The following TEP1 variants were observed in gnomAD, a reference collection of about 807,000 sequenced individuals.
The protein encoded by TEP1 is telomerase protein component 1.
TEP1 carries 241 observed loss-of-function variants against 306.3 expected under a neutral mutation model. That is an observed-to-expected ratio of 0.79 (90% CI 0.71 to 0.88). The LOEUF (loss-of-function observed/expected upper bound fraction) is 0.88. Ranked by LOEUF, TEP1 falls within the 40% of genes least tolerant of loss-of-function variation. TEP1 has a pLI of 0.00. For synonymous variants in TEP1, 1,289 were observed against 1,305.5 expected (o/e 0.99, Z 0.27); for missense variants, 3,051 against 3,276.1 (o/e 0.93, Z 1.68).
rs777877711 is a variant in TEP1 at position 20,387,918 on chromosome 14, C to G, written c.2671G>C (p.Val891Leu). Residue 891 changes from valine (V) to leucine (L), a missense_variant, in exon 18 of 55, where the codon GTT (valine) becomes CTT (leucine). This residue lies in a region of TEP1 where 1,507 missense variants were observed against 1,550.5 expected (regional missense o/e 0.97). Coordinates refer to ENST00000262715, the MANE Select transcript of TEP1 (RefSeq NM_007110.5). Reference protein sequence around the residue: ...EEDTPSPLAPVSQQGWRSIRL... With the variant: ...EEDTPSPLAPLSQQGWRSIRL... Reference sequence around the variant, plus strand: ...ACACAGACTGACCCTTGCTGGGAAACAGGAGCCAAGGGGCTTGGAGTGTCC... The same window carrying G: ...ACACAGACTGACCCTTGCTGGGAAAGAGGAGCCAAGGGGCTTGGAGTGTCC... 86 of 1,604,952 alleles carry G rather than the reference C, an allele frequency of 5.4e-5. No individual in the cohort carries two copies. Among genetic ancestry groups the G allele is most frequent in the Non-Finnish European group, 6.8e-5 (80 of 1,177,256 alleles).
At chr14:20,389,023 C>T (rs1877465190) in intron 17 of TEP1, among the ~76,000 whole-genome samples, 1 of 152,060 alleles carries the variant, frequency 6.6e-6, no homozygotes, top group Non-Finnish European at 1.5e-5. Context: ...TGGTGCATGT[C>T]TGTAGTCCCA....
In TEP1 at chr14:20,380,296, A is replaced by C; in HGVS notation, c.4942T>G (p.Trp1648Gly). ...CHQASLLSRR[W>G]HLQHTLRWLN... ...CATCGTAGTGTGTGTTGGAGGTGCCATCTCCGGGAGAGCAGCGAGGCTTGG... is the reference window on the plus strand; with the variant it reads ...CATCGTAGTGTGTGTTGGAGGTGCCCTCTCCGGGAGAGCAGCGAGGCTTGG... Residue 1648 changes from tryptophan (W) to glycine (G), a missense_variant, in exon 34 of 55, where the codon TGG (tryptophan) becomes GGG (glycine). Around this residue, in one of 3 missense-constraint regions of TEP1, gnomAD observed 1,540 missense variants for 1,705.9 expected, o/e 0.90. Transcript: ENST00000262715. The C allele has an allele frequency of 1.2e-6, 2 of 1,614,148 alleles. No homozygotes were observed. The highest frequency in any genetic ancestry group is 1.7e-6 in the Non-Finnish European group (2 of 1,180,026).
intron 7 of TEP1, 143 bp downstream of exon 7, chr14:20,403,234 A>T: frequency 1.1e-6 from 1 of 909,962 alleles, no homozygotes; most frequent in South Asian, 1.8e-5. Context: ...TGCCTTTCCC[A>T]GTGCTCTCAG....
At position 20,376,158 on chromosome 14, in the gene TEP1, G is replaced by A. The variant is rs1324147419; in HGVS notation, c.6195C>T (p.Ser2065=). The A allele has an allele frequency of 6.2e-7, 1 of 1,614,200 alleles. No homozygotes were observed. Among genetic ancestry groups the A allele is most frequent in the Admixed American group, 1.7e-5 (1 of 60,026 alleles). The part of the protein sequence containing the change: ...TELRGHEGPV[S]CCSFSTDGGS... ...CTCCATCAGTGCTGAAACTACAGCA[G>A]CTCACAGGGCCCTCATGTCCCCGCA... Residue 2065 remains serine, a synonymous_variant, in exon 42 of 55, where the codon AGC becomes AGT. Coordinates refer to ENST00000262715, the MANE Select transcript of TEP1 (RefSeq NM_007110.5).
Position 20,373,548 on chromosome 14 carries a change from C to T in TEP1, c.6640G>A (p.Val2214Ile), listed in dbSNP as rs1713449. The T allele has an allele frequency of 0.23, 367,274 of 1,613,844 alleles. 44,660 individuals carry two copies. Among genetic ancestry groups the T allele is most frequent in the African/African-American group, 0.42 (31,347 of 74,932 alleles). ...AACCGTGTGGCCCCATCTAGCCCGACGGTTACCACCAGAAGCTCTGACCCA... is the reference window on the plus strand; with the variant it reads ...AACCGTGTGGCCCCATCTAGCCCGATGGTTACCACCAGAAGCTCTGACCCA... ...QPGSELLVVT[V>I]GLDGATRLWH... The change falls in exon 46 of 55, where the codon GTC becomes ATC. Residue 2214 changes from valine to isoleucine, a missense_variant. Physicochemically the swap from Val to Ile is conservative, Grantham distance 29. Around this residue, in one of 3 missense-constraint regions of TEP1, gnomAD observed 1,540 missense variants for 1,705.9 expected, o/e 0.90. Transcript: ENST00000262715.
chr14:20,386,526 G>C lies in TEP1; in HGVS notation c.2782C>G (p.Arg928Gly). 6.2e-7 allele frequency: 1 copy of C among 1,612,996 alleles called. No individual in the cohort carries two copies. The highest frequency in any genetic ancestry group is 8.5e-7 in the Non-Finnish European group (1 of 1,179,456). The change falls in exon 19 of 55, where the codon CGA (arginine) becomes GGA (glycine). Residue 928 changes from arginine to glycine, a missense_variant. Coordinates refer to ENST00000262715, the MANE Select transcript of TEP1 (RefSeq NM_007110.5). ...AGGCTGATACGGTGAGGGGCCGCTC[G>C]GGCCTGCAGTGCTGGCAGCACAGAC... is the stretch of plus-strand genomic sequence containing the variant. ...LRSVLPALQA[R>G]AAPHRISLHG...
Position 20,383,795 on chromosome 14 carries a change from T to C in TEP1, c.3658A>G (p.Thr1220Ala), listed in dbSNP as rs906731800. 1 of 1,610,604 alleles carries C rather than the reference T, an allele frequency of 6.2e-7. No individual in the cohort carries two copies. The highest frequency in any genetic ancestry group is 1.7e-5 in the Admixed American group (1 of 59,522). Residue 1220 changes from threonine to alanine, a missense_variant, in exon 25 of 55, where the codon ACC (threonine) becomes GCC (alanine). This residue lies in a region of TEP1 where 1,507 missense variants were observed against 1,550.5 expected (regional missense o/e 0.97). Transcript: ENST00000262715. ...LALTLLRRLC[T>A]YLRGQLKEPG... ...TCTTTTAGTTGGCCACGCAGATAGG[T>C]ACAGAGGCGTCTGAGCAGAGTGAGG...
chr14:20,371,350 T>G (rs1884827411), intron 50 of TEP1, 36 bp from the exon 51 acceptor site: 1 of 1,606,320 alleles, frequency 6.2e-7, no homozygotes, highest in South Asian at 1.1e-5. Flanking sequence ...GAGCTCAGGA[T>G]TTAAAGAGAG....
rs1297472031 is a variant in TEP1 at position 20,374,460 on chromosome 14, T to C, written c.6440A>G (p.His2147Arg). ...SGQRLGQFLGHQSAVSAVAAV... is the reference protein window; with the variant it reads ...SGQRLGQFLGRQSAVSAVAAV... ...TGCCACAGCGCTCACAGCACTCTGATGACCCAGGAACTGACCAAGCCGCTG... is the reference window on the plus strand; with the variant it reads ...TGCCACAGCGCTCACAGCACTCTGACGACCCAGGAACTGACCAAGCCGCTG... The change falls in exon 44 of 55, where the codon CAT (histidine) becomes CGT (arginine). Residue 2147 changes from histidine to arginine, a missense_variant. His to Arg is a conservative substitution (Grantham distance 29). This residue lies in a region of TEP1 where 1,540 missense variants were observed against 1,705.9 expected (regional missense o/e 0.90). Transcript: ENST00000262715. 6 of 1,613,316 alleles carry C rather than the reference T, an allele frequency of 3.7e-6. No homozygotes were observed. The highest frequency in any genetic ancestry group is 1.3e-5 in the African/African-American group (1 of 74,898).
rs374792666 is a variant in TEP1 at position 20,401,103 on chromosome 14, A to G, written c.1430T>C (p.Leu477Pro). The change falls in exon 9 of 55, where the codon CTT (leucine) becomes CCT (proline). Residue 477 changes from leucine to proline, a missense_variant. Leu to Pro is a moderately conservative substitution (Grantham distance 98). Transcript: ENST00000262715. ...TCTGCTAGAATCCCAAGGCCCAGGA[A>G]GGCGACTTCGAGAAAAGAGCTGTAG... ...SNLQLFSRSR[L>P]PGPWDSSRAG... The G allele has an allele frequency of 3.8e-5, 61 of 1,614,120 alleles. No individual in the cohort carries two copies. The highest frequency in any genetic ancestry group is 5.1e-5 in the Non-Finnish European group (60 of 1,180,056).
intron 51 of TEP1, 57 bp downstream of exon 51, chr14:20,371,161 T>C (rs1351200745): frequency 6.6e-7 from 1 of 1,514,172 alleles, no homozygotes; most frequent in Non-Finnish European, 9.2e-7. Flanking sequence ...CCCCAAGGTG[T>C]AAAAACACTG....
intron 9 of TEP1, 27 bp downstream of exon 9, chr14:20,400,957 G>A (rs767361602): frequency 4.4e-6 from 7 of 1,608,622 alleles, no homozygotes; most frequent in Non-Finnish European, 5.9e-6. Flanking sequence ...AGAGAAGGAG[G>A]GAATGTGATG....
In TEP1 at chr14:20,377,327, G is replaced by A; in HGVS notation, c.6041C>T (p.Pro2014Leu). The change falls in exon 41 of 55, where the codon CCT becomes CTT. Residue 2014 changes from proline to leucine, a missense_variant. Physicochemically the swap from Pro to Leu is moderately conservative, Grantham distance 98 (BLOSUM62 -3). Around this residue, in one of 3 missense-constraint regions of TEP1, gnomAD observed 1,540 missense variants for 1,705.9 expected, o/e 0.90. Transcript: ENST00000262715. ...SLWLLSRFQK[P>L]VLGLATSQEL... ...CTGGGAAGTGGCCAGTCCTAGCACA[G>A]GCTTCTGGAATCTGGACAGGAGCCA... The A allele has an allele frequency of 6.2e-7, 1 of 1,614,176 alleles. No individual in the cohort carries two copies. The highest frequency in any genetic ancestry group is 8.5e-7 in the Non-Finnish European group (1 of 1,180,030).
At chr14:20,383,974 T>C in intron 24 of TEP1, 56 bp from the exon 25 acceptor site, 1 of 1,588,192 alleles carries the variant, frequency 6.3e-7, no homozygotes, top group South Asian at 1.1e-5. Context: ...GAGCTCCCTG[T>C]GCCTTACCTC....
intron 1 of TEP1, among the ~76,000 whole-genome samples, chr14:20,409,201 AT>A (rs1197060759): frequency 6.6e-6 from 1 of 152,146 alleles, no homozygotes; most frequent in Non-Finnish European, 1.5e-5. Flanking sequence ...AGAATATGAC[AT>A]TGTTGATTAC....
chr14:20,408,012 C>T lies in TEP1; in HGVS notation c.428G>A (p.Arg143His), dbSNP rs111250999. 2.0e-4 allele frequency: 315 copies of T among 1,614,158 alleles called. 1 individual carries two copies. In the South Asian group the frequency reaches 2.8e-3, roughly 15 times the overall value. The change falls in exon 2 of 55, where the codon CGT (arginine) becomes CAT (histidine). Residue 143 changes from arginine (R) to histidine (H), a missense_variant. Transcript: ENST00000262715. ...ISHMTQADLYRVNNSNCLLSE... is the reference protein window; with the variant it reads ...ISHMTQADLYHVNNSNCLLSE... ...GAGCAGGCAATTGCTGTTGTTCACACGGTACAAATCAGCTTGCGTCATGTG... is the reference window on the plus strand; with the variant it reads ...GAGCAGGCAATTGCTGTTGTTCACATGGTACAAATCAGCTTGCGTCATGTG...
At chr14:20,387,095 T>C (rs7148946) in intron 18 of TEP1, among the ~76,000 whole-genome samples, 149,616 of 151,438 alleles carry the variant, frequency 0.99, 73,916 homozygotes, top group East Asian at 1. Flanking sequence ...CCACCACACC[T>C]GGCTAATTTT....
At chr14:20,405,181 TATG>T (rs1245692565) in intron 4 of TEP1, among the ~76,000 whole-genome samples, 3 of 152,244 alleles carry the variant, frequency 2.0e-5, no homozygotes. Context: ...GCTGTATTTG[TATG>T]ATATTTGGAA....
At chr14:20,369,644 G>A (rs766906583) in intron 52 of TEP1, 30 bp downstream of exon 52, 15 of 1,612,560 alleles carry the variant, frequency 9.3e-6, no homozygotes, top group South Asian at 3.3e-5. Flanking sequence ...GCCATCTCCC[G>A]GCTCCTCAGG....
Sources: gnomAD v4.1 joint callset for allele counts (sites outside exome capture counted in the v4.1 genomes callset) on GRCh38, gnomAD v4.1.1 for gene constraint, gnomAD v4.1.1 regional missense constraint, MANE v1.5 for transcripts, NCBI Gene and HGNC (gene_info 2026-07-23, HGNC 2026-07-21) for gene names.